WWOX: variants seen among roughly 807,000 people sequenced by gnomAD.
WWOX encodes the protein WW domain-containing oxidoreductase.
In WWOX, 69 loss-of-function variants were observed where a neutral mutation model predicts 46.2. That is an observed-to-expected ratio of 1.49 (90% confidence interval 1.23 to 1.82). WWOX has a LOEUF of 1.82. Ranked by LOEUF, WWOX falls within the 40% of genes most tolerant of loss-of-function variation. The pLI, the probability that WWOX is intolerant of heterozygous loss-of-function variation, is 0.00. For synonymous variants in WWOX, 359 were observed against 202.6 expected (o/e 1.77, Z -6.56); for missense variants, 919 against 542.6 (o/e 1.69, Z -6.89).
At chr16:78,513,945 C>G (rs1357982169) in intron 8 of WWOX, among the ~76,000 whole-genome samples, 1 of 144,990 alleles carries the variant, frequency 6.9e-6, no homozygotes, top group African/African-American at 2.7e-5. Flanking sequence ...TTGGGAACAT[C>G]CATTGGGAAA....
intron 4 of WWOX, among the ~76,000 whole-genome samples, chr16:78,125,771 C>T (rs958352715): frequency 2.0e-5 from 3 of 152,102 alleles, no homozygotes; most frequent in African/African-American, 7.2e-5. Context: ...GTAAAACAAA[C>T]ATTAAGGAAT....
intron 8 of WWOX, among the ~76,000 whole-genome samples, chr16:78,947,507 AGAGTC>A (rs1489849525): frequency 4.6e-5 from 7 of 152,242 alleles, no homozygotes; most frequent in African/African-American, 1.4e-4. Context: ...CAGTGAATGC[AGAGTC>A]GGCTGGGAGC....
chr16:78,561,956 C>T (rs934598253), intron 8 of WWOX, among the ~76,000 whole-genome samples: 3 of 137,874 alleles, frequency 2.2e-5, no homozygotes, highest in African/African-American at 9.1e-5. Context: ...CAGGAAAAAG[C>T]GCAATGACTT....
chr16:78,711,184 T>G (rs891915517), intron 8 of WWOX, among the ~76,000 whole-genome samples: 2 of 152,156 alleles, frequency 1.3e-5, no homozygotes, highest in East Asian at 3.9e-4. Context: ...CTTTGTATAA[T>G]AGGGAAGCAG....
intron 8 of WWOX, among the ~76,000 whole-genome samples, chr16:78,521,586 G>A (rs2043349003): frequency 6.6e-6 from 1 of 152,146 alleles, no homozygotes; most frequent in African/African-American, 2.4e-5. Flanking sequence ...GCAAGTTGAT[G>A]AATTAAATAC....
chr16:78,515,955 GTCAATCAA>G (rs1386110070), intron 8 of WWOX, among the ~76,000 whole-genome samples: 6 of 152,142 alleles, frequency 3.9e-5, no homozygotes, highest in African/African-American at 1.2e-4. Flanking sequence ...CAGTCAATCA[GTCAATCAA>G]TCAGTCTCTC....
At chr16:79,066,359 G>A (rs2048441414) in intron 8 of WWOX, among the ~76,000 whole-genome samples, 1 of 152,152 alleles carries the variant, frequency 6.6e-6, no homozygotes. Context: ...CACCCAGTGG[G>A]ACATAGTAGA....
intron 5 of WWOX, among the ~76,000 whole-genome samples, chr16:78,263,853 G>T (rs2079301328): frequency 6.6e-6 from 1 of 152,082 alleles, no homozygotes; most frequent in Non-Finnish European, 1.5e-5. Flanking sequence ...TCTCTGCCTT[G>T]GGATGGATTC....
intron 7 of WWOX, among the ~76,000 whole-genome samples, chr16:78,426,799 G>A (rs973376994): frequency 6.6e-6 from 1 of 152,086 alleles, no homozygotes; most frequent in African/African-American, 2.4e-5. Context: ...AAGTAGCTGG[G>A]ACCACAGGCG....
At chr16:78,884,909 C>A (rs961588071) in intron 8 of WWOX, among the ~76,000 whole-genome samples, 1 of 152,160 alleles carries the variant, frequency 6.6e-6, no homozygotes, top group African/African-American at 2.4e-5. Flanking sequence ...TCAATGCATT[C>A]CATTTATTCT....
intron 8 of WWOX, among the ~76,000 whole-genome samples, chr16:79,005,479 AG>A (rs1241950661): frequency 1.3e-5 from 2 of 152,184 alleles, no homozygotes; most frequent in East Asian, 3.9e-4. Flanking sequence ...CAAATTTGCA[AG>A]TCGAGGTTTC....
chr16:79,097,936 G>T (rs530863513), intron 8 of WWOX, among the ~76,000 whole-genome samples: 1 of 152,266 alleles, frequency 6.6e-6, no homozygotes, highest in East Asian at 1.9e-4. Context: ...TGATAAGTCA[G>T]GTCCTGCCGG....
chr16:78,406,162 T>C (rs573927456), intron 6 of WWOX, among the ~76,000 whole-genome samples: 1 of 151,560 alleles, frequency 6.6e-6, no homozygotes, highest in African/African-American at 2.4e-5. Flanking sequence ...TATCGTCATT[T>C]TTGCAAAATC....
Position 78,809,376 on chromosome 16 carries a change from T to A in WWOX, c.1056+376624T>A, listed in dbSNP as rs2051130435. ...TAGGAAGAAAAAAGCATTTTTCGAA[T>A]GAAAACTTTTTATTATATTTGATAT... On this transcript the variant is annotated intron_variant, in intron 8 of 8. Coordinates refer to ENST00000566780, the MANE Select transcript of WWOX (RefSeq NM_016373.4). Among the ~76,000 whole-genome samples the A allele has an allele frequency of 4.0e-5, 6 of 150,996 alleles. No individual in the cohort carries two copies. The South Asian group carries it at 1.3e-3, about 32-fold the overall frequency.
intron 8 of WWOX, chr16:79,078,161 G>C (rs2048695441): frequency 6.6e-6 from 1 of 152,108 alleles, no homozygotes; most frequent in Admixed American, 6.5e-5. Context: ...TGGCCTTCAG[G>C]CTGCCCATAA....
intron 8 of WWOX, among the ~76,000 whole-genome samples, chr16:78,930,842 G>C (rs541164967): frequency 2.6e-5 from 4 of 152,212 alleles, no homozygotes; most frequent in African/African-American, 9.6e-5. Context: ...GCTATGCAAG[G>C]CACTGAGGTG....
At chr16:78,755,375 C>T (rs139274914) in intron 8 of WWOX, among the ~76,000 whole-genome samples, 8 of 152,062 alleles carry the variant, frequency 5.3e-5, no homozygotes, top group Non-Finnish European at 1.0e-4. Flanking sequence ...GACTCCTGGT[C>T]CAGGTAAAGC....
intron 5 of WWOX, among the ~76,000 whole-genome samples, chr16:78,357,320 C>T (rs8044888): frequency 0.74 from 112,383 of 152,026 alleles, 42,983 homozygotes; most frequent in African/African-American, 0.84. Context: ...TAGGTACTTA[C>T]CTTTCTCAGC....
chr16:78,578,284 A>ATT lies in WWOX; in HGVS notation c.1056+145555_1056+145556dup, dbSNP rs1172203878. On this transcript the variant is annotated intron_variant, in intron 8 of 8. Transcript: ENST00000566780. ...TATATATATATATATATATATATAT[A>ATT]TTTTTTTTTTTTTTTTTTTTTTTTG... Among the ~76,000 whole-genome samples the ATT allele has an allele frequency of 8.6e-4, 18 of 20,842 alleles. 2 individuals carry two copies. Among genetic ancestry groups the ATT allele is most frequent in the East Asian group, 2.5e-3 (2 of 792 alleles). 13.7% of individuals were successfully genotyped at this position (20,842 alleles called of 152,430 possible). A position where few individuals can be genotyped will look rare whatever the true frequency, so the allele number is the denominator to read the frequency against.
Sources: gnomAD v4.1 joint callset for allele counts (sites outside exome capture counted in the v4.1 genomes callset) on GRCh38, gnomAD v4.1.1 for gene constraint, MANE v1.5 for transcripts, NCBI Gene and HGNC (gene_info 2026-07-23, HGNC 2026-07-21) for gene names.